Variants in PERP observed in about 807,000 individuals in gnomAD.
PERP encodes the protein p53 apoptosis effector related to PMP22, also known as p53 apoptosis effector related to PMP-22.
PERP carries 11 observed loss-of-function variants against 20.3 expected under a neutral mutation model. That is an observed-to-expected ratio of 0.54 (90% confidence interval 0.34 to 0.90). The LOEUF (loss-of-function observed/expected upper bound fraction) is 0.90. Among genes scored for constraint, PERP ranks in the 40% least tolerant of loss-of-function variants. The probability of loss-of-function intolerance (pLI) is 0.02; values close to 1 mark genes in which losing one functional copy is unlikely to be tolerated. For missense variants in PERP, 224 were observed against 249.4 expected (o/e 0.90, Z 0.69); for synonymous variants, 101 against 102.0 (o/e 0.99, Z 0.06).
Position 138,107,382 on chromosome 6 carries a change from G to A in PERP, c.-42C>T, listed in dbSNP as rs757125265. ...GGGCCGAGCGGAGCGGAGCGGAGCGGGTCGGAGGAGCGCGCGGGACGGGCG... is the reference window on the plus strand; with the variant it reads ...GGGCCGAGCGGAGCGGAGCGGAGCGAGTCGGAGGAGCGCGCGGGACGGGCG... On this transcript the variant is annotated 5_prime_UTR_variant, in exon 1 of 3. Coordinates refer to ENST00000421351, the MANE Select transcript of PERP (RefSeq NM_022121.5). The surrounding 1 kb of genome is among the most constrained non-coding windows in gnomAD (Gnocchi z 4.8). 1 of 1,432,276 alleles carries A rather than the reference G, an allele frequency of 7.0e-7. No individual in the cohort carries two copies. Among genetic ancestry groups the A allele is most frequent in the Admixed American group, 2.5e-5 (1 of 39,276 alleles). The allele number at this position is 1,432,276 out of a possible 1,614,324, so 88.7% of individuals were successfully genotyped here.
chr6:138,098,968 T>G (rs1775735628), intron 1 of PERP, among the ~76,000 whole-genome samples: 1 of 152,218 alleles, frequency 6.6e-6, no homozygotes. Flanking sequence ...ATGTTAAAAC[T>G]TAGTAAGTCT....
chr6:138,103,480 C>G (rs949044982), intron 1 of PERP, among the ~76,000 whole-genome samples: 1 of 152,086 alleles, frequency 6.6e-6, no homozygotes, highest in African/African-American at 2.4e-5. Context: ...TTCCCTACCC[C>G]ACTCCCCACT....
At position 138,090,256 on chromosome 6, in the gene PERP, G is replaced by A. The variant is rs1775556223; in HGVS notation, c.*1786C>T. On this transcript the variant is annotated 3_prime_UTR_variant, in exon 3 of 3. Coordinates refer to ENST00000421351, the MANE Select transcript of PERP (RefSeq NM_022121.5). ...AGCTGGCCAACAGTAGCCCTAGGGA[G>A]ATATATTTCCGTTCTCCCACCCAGC... 1 of 152,122 alleles carries A rather than the reference G, an allele frequency of 6.6e-6. No homozygotes were observed. Among genetic ancestry groups the A allele is most frequent in the Admixed American group, 6.5e-5 (1 of 15,280 alleles). 9.4% of individuals were successfully genotyped at this position (152,122 alleles called of 1,614,324 possible).
chr6:138,091,255 A>G lies in PERP; in HGVS notation c.*787T>C, dbSNP rs1391085064. ...ATAAATTAGACCCAGTCCATCTTTC[A>G]ATCCAGTCTACTCTGGTTCTGAACA... On this transcript the variant is annotated 3_prime_UTR_variant, in exon 3 of 3. Transcript: ENST00000421351. 2.6e-5 allele frequency: 4 copies of G among 152,200 alleles called. No individual in the cohort carries two copies. The highest frequency in any genetic ancestry group is 5.9e-5 in the Non-Finnish European group (4 of 68,028). 9.4% of individuals were successfully genotyped at this position (152,200 alleles called of 1,614,324 possible).
intron 1 of PERP, 68 bp from the exon 2 acceptor site, chr6:138,096,562 T>C: frequency 6.6e-7 from 1 of 1,509,014 alleles, no homozygotes; most frequent in Admixed American, 2.2e-5. Context: ...CTTATCACAG[T>C]ATCAACATGG....
At chr6:138,101,574 C>G (rs1019560440) in intron 1 of PERP, among the ~76,000 whole-genome samples, 3 of 152,160 alleles carry the variant, frequency 2.0e-5, no homozygotes, top group African/African-American at 7.2e-5. Flanking sequence ...CCTTATGACA[C>G]TAATGTGGCA....
chr6:138,096,270 A>T, intron 2 of PERP, 84 bp downstream of exon 2: 1 of 1,496,372 alleles, frequency 6.7e-7, no homozygotes, highest in Non-Finnish European at 9.1e-7. Flanking sequence ...TGTAACAGTC[A>T]CGGGTCTTCT....
Position 138,107,007 on chromosome 6 carries a change from C to A in PERP, c.214+120G>T. On this transcript the variant is annotated intron_variant, in intron 1 of 2. Transcript: ENST00000421351. This position sits in a 1 kb window ranked among gnomAD's most constrained non-coding sequence, Gnocchi z 4.8. Reference sequence around the variant, plus strand: ...TGAGCCCGAGCTCGTCCTAAACAGGCATTCTGAAAAGCACTGGCTCCCCCG... The same window carrying A: ...TGAGCCCGAGCTCGTCCTAAACAGGAATTCTGAAAAGCACTGGCTCCCCCG... The A allele has an allele frequency of 2.0e-6, 2 of 991,024 alleles. No homozygotes were observed. Among genetic ancestry groups the A allele is most frequent in the South Asian group, 1.7e-5 (1 of 59,764 alleles). The allele number at this position is 991,024 out of a possible 1,614,324, so 61.4% of individuals were successfully genotyped here. A position where few individuals can be genotyped will look rare whatever the true frequency, so the allele number is the denominator to read the frequency against.
At chr6:138,102,775 A>T (rs1775792116) in intron 1 of PERP, among the ~76,000 whole-genome samples, 1 of 152,166 alleles carries the variant, frequency 6.6e-6, no homozygotes, top group African/African-American at 2.4e-5. Flanking sequence ...GCTGTGTAAG[A>T]ACTTGAATGC....
chr6:138,107,135 A>C lies in PERP; in HGVS notation c.206T>G (p.Met69Arg). 6.2e-7 allele frequency: 1 copy of C among 1,607,362 alleles called. No individual in the cohort carries two copies. Among genetic ancestry groups the C allele is most frequent in the Non-Finnish European group, 8.5e-7 (1 of 1,177,764 alleles). ...GSYEEGCQSL[M>R]EYAWGRAAAA... ...CGGCGGCGGGCACTCACCGTACTCCATGAGGCTCTGACAGCCCTCCTCGTA... is the reference window on the plus strand; with the variant it reads ...CGGCGGCGGGCACTCACCGTACTCCCTGAGGCTCTGACAGCCCTCCTCGTA... Residue 69 changes from methionine to arginine, a missense_variant, in exon 1 of 3, where the codon ATG (methionine) becomes AGG (arginine). Physicochemically the swap from Met to Arg is moderately conservative, Grantham distance 91 (BLOSUM62 -1). Transcript: ENST00000421351. The surrounding 1 kb of genome is among the most constrained non-coding windows in gnomAD (Gnocchi z 4.8).
rs372159842 is a variant in PERP, at chr6:138,096,306, G to A, written c.355+48C>T. The A allele has an allele frequency of 2.6e-4, 411 of 1,602,632 alleles. 1 individual carries two copies. The highest frequency in any genetic ancestry group is 2.9e-4 in the Non-Finnish European group (341 of 1,172,722). ...TTGTGGAATTGACCATTACTAAGTC[G>A]ATGCCCACTGAAGGCATAAATGAAG... On this transcript the variant is annotated intron_variant, in intron 2 of 2. Transcript: ENST00000421351.
Position 138,096,430 on chromosome 6 carries a change from G to T in PERP, c.279C>A (p.Ile93=). The stretch of plus-strand genomic sequence containing the variant: ...GTCCACAGAGGGCGAAGAAGGAGAG[G>T]ATGAAACAGATCACCAGGATGATGA... ...CGFIILVICF[I]LSFFALCGPQ... Residue 93 remains isoleucine, a synonymous_variant, in exon 2 of 3, where the codon ATC becomes ATA. Coordinates refer to ENST00000421351, the MANE Select transcript of PERP (RefSeq NM_022121.5). 1 of 1,614,008 alleles carries T rather than the reference G, an allele frequency of 6.2e-7. No homozygotes were observed. The highest frequency in any genetic ancestry group is 8.5e-7 in the Non-Finnish European group (1 of 1,179,982).
intron 1 of PERP, among the ~76,000 whole-genome samples, chr6:138,097,648 T>G (rs1470626875): frequency 1.3e-5 from 2 of 152,176 alleles, no homozygotes; most frequent in Non-Finnish European, 2.9e-5. Context: ...AAGGATATAC[T>G]TAGAGTTCAA....
intron 2 of PERP, 26 bp from the exon 3 acceptor site, chr6:138,092,294 G>T (rs1037266104): frequency 6.2e-5 from 97 of 1,558,844 alleles, no homozygotes; most frequent in Non-Finnish European, 8.0e-5. Flanking sequence ...AAATCCCAGG[G>T]TATGAATGCA....
rs1775553923 is a variant in PERP at position 138,090,127 on chromosome 6, G to T, written c.*1915C>A. 1 of 151,982 alleles carries T rather than the reference G, an allele frequency of 6.6e-6. No homozygotes were observed. The highest frequency in any genetic ancestry group is 1.5e-5 in the Non-Finnish European group (1 of 67,990). 9.4% of individuals were successfully genotyped at this position (151,982 alleles called of 1,614,324 possible). On this transcript the variant is annotated 3_prime_UTR_variant, in exon 3 of 3. Coordinates refer to ENST00000421351, the MANE Select transcript of PERP (RefSeq NM_022121.5). The stretch of plus-strand genomic sequence containing the variant: ...CCACCAGCCACGGCATAGTTGTGTG[G>T]GTTTTTCTTTTCAATTTTGGTATAA...
rs528781750 is a variant in PERP at position 138,107,412 on chromosome 6, CAG to C, written c.-74_-73del. 8.5e-4 allele frequency: 1,063 copies of C among 1,249,454 alleles called. 6 individuals are homozygous for C. In the African/African-American group the frequency reaches 0.014, roughly 17 times the overall value. 77.4% of individuals were successfully genotyped at this position (1,249,454 alleles called of 1,614,324 possible). A position where few individuals can be genotyped will look rare whatever the true frequency, so the allele number is the denominator to read the frequency against. On this transcript the variant is annotated 5_prime_UTR_variant, in exon 1 of 3. Coordinates refer to ENST00000421351, the MANE Select transcript of PERP (RefSeq NM_022121.5). This position sits in a 1 kb window ranked among gnomAD's most constrained non-coding sequence, Gnocchi z 4.8. ...GAGGAGCGCGCGGGACGGGCGACAG[CAG>C]AGAGTGGCCTGCGAGCGCGGGCGCC...
chr6:138,106,622 G>C (rs955127399), intron 1 of PERP, among the ~76,000 whole-genome samples: 1 of 152,170 alleles, frequency 6.6e-6, no homozygotes, highest in Non-Finnish European at 1.5e-5. Flanking sequence ...TATTGAAAAC[G>C]TTAACTGCTA....
rs1192384569 is a variant in PERP, at chr6:138,090,084, A to G, written c.*1958T>C. Reference sequence around the variant, plus strand: ...AAAGATGGGATTTTTAACATTTTTAATGACCACTTCAAATTCTCCACCAGC... The same window carrying G: ...AAAGATGGGATTTTTAACATTTTTAGTGACCACTTCAAATTCTCCACCAGC... On this transcript the variant is annotated 3_prime_UTR_variant, in exon 3 of 3. Transcript: ENST00000421351. The G allele has an allele frequency of 2.0e-5, 3 of 152,156 alleles. No individual in the cohort carries two copies. Among genetic ancestry groups the G allele is most frequent in the African/African-American group, 7.2e-5 (3 of 41,426 alleles). 9.4% of individuals were successfully genotyped at this position (152,156 alleles called of 1,614,324 possible). A position where few individuals can be genotyped will look rare whatever the true frequency, so the allele number is the denominator to read the frequency against.
At position 138,107,373 on chromosome 6, in the gene PERP, AG is replaced by A; in HGVS notation, c.-34del. The stretch of plus-strand genomic sequence containing the variant: ...GGCGGCGCGGGGCCGAGCGGAGCGG[AG>A]CGGAGCGGGTCGGAGGAGCGCGCGG... On this transcript the variant is annotated 5_prime_UTR_variant, in exon 1 of 3. Transcript: ENST00000421351. This position sits in a 1 kb window ranked among gnomAD's most constrained non-coding sequence, Gnocchi z 4.8. 1 of 1,502,826 alleles carries A rather than the reference AG, an allele frequency of 6.7e-7. No homozygotes were observed. Among genetic ancestry groups the A allele is most frequent in the Non-Finnish European group, 8.8e-7 (1 of 1,130,218 alleles). The allele number at this position is 1,502,826 out of a possible 1,614,324, so 93.1% of individuals were successfully genotyped here.
Sources: gnomAD v4.1 joint callset for allele counts (sites outside exome capture counted in the v4.1 genomes callset) on GRCh38, gnomAD v4.1.1 for gene constraint, Gnocchi (gnomAD v3.1) non-coding constraint, MANE v1.5 for transcripts, NCBI Gene and HGNC (gene_info 2026-07-23, HGNC 2026-07-21) for gene names.